Variants in CUL5 observed in about 807,000 individuals in gnomAD.
CUL5 encodes the protein cullin-5.
A neutral mutation model predicts 108.8 loss-of-function variants in CUL5; 26 were observed. That is an observed-to-expected ratio of 0.24 (90% CI 0.18 to 0.33). The LOEUF (loss-of-function observed/expected upper bound fraction) is 0.33, where lower values mean the gene tolerates loss of function less well. CUL5 is among the 10% of genes least tolerant of loss of function. The probability of loss-of-function intolerance (pLI) is 1.00; values close to 1 mark genes in which losing one functional copy is unlikely to be tolerated. For synonymous variants in CUL5, 334 were observed against 298.0 expected, an observed-to-expected ratio of 1.12 and a Z score of -1.25; for missense variants, 524 against 909.2, an observed-to-expected ratio of 0.58 and a Z score of 5.45.
At position 108,037,107 on chromosome 11, in the gene CUL5, T is replaced by G. The variant is rs181480958; in HGVS notation, c.134+3196T>G. On this transcript the variant is annotated intron_variant, in intron 2 of 18. Coordinates refer to ENST00000393094, the MANE Select transcript of CUL5 (RefSeq NM_003478.6). ...GGGAACTTTTGGGCCTCTTCCCACC[T>G]GGAGGCAAGAAAAAAAAAACAAAAA... is the stretch of plus-strand genomic sequence containing the variant. Among the ~76,000 whole-genome samples the G allele has an allele frequency of 5.3e-5, 8 of 151,936 alleles. 1 individual carries two copies. Among genetic ancestry groups the G allele is most frequent in the Admixed American group, 5.3e-4 (8 of 15,232 alleles).
At chr11:108,044,154 T>C (rs1262926254) in intron 2 of CUL5, among the ~76,000 whole-genome samples, 2 of 152,172 alleles carry the variant, frequency 1.3e-5, no homozygotes, top group African/African-American at 4.8e-5. Context: ...TCAAGCTGAA[T>C]TGAACCAGTG....
At chr11:108,048,377 C>G (rs1436764932) in intron 3 of CUL5, among the ~76,000 whole-genome samples, 2 of 152,044 alleles carry the variant, frequency 1.3e-5, no homozygotes, top group African/African-American at 4.8e-5. Flanking sequence ...ATGAATTTGC[C>G]TAAGCTTATT....
At chr11:108,066,561 CT>C (rs1050841425) in intron 7 of CUL5, among the ~76,000 whole-genome samples, 4 of 151,994 alleles carry the variant, frequency 2.6e-5, no homozygotes, top group African/African-American at 9.7e-5. Flanking sequence ...TGCAAGGATT[CT>C]TTTAACTCAC....
chr11:108,041,144 C>T (rs968479618), intron 2 of CUL5, among the ~76,000 whole-genome samples: 1 of 152,218 alleles, frequency 6.6e-6, no homozygotes, highest in African/African-American at 2.4e-5. Flanking sequence ...CTGATTCTTA[C>T]TGCTCAAGCT....
rs1864753950 is a variant in CUL5, at chr11:108,104,899, G to A, written c.*515G>A. 1 of 152,634 alleles carries A rather than the reference G, an allele frequency of 6.6e-6. No individual in the cohort carries two copies. The allele number at this position is 152,634 out of a possible 1,614,324, so 9.5% of individuals were successfully genotyped here. ...AATGCAACATTGGGAAACGGCAGAT[G>A]TAGGTGAGAAGTTAAGTATTTAATA... On this transcript the variant is annotated 3_prime_UTR_variant, in exon 19 of 19. Coordinates refer to ENST00000393094, the MANE Select transcript of CUL5 (RefSeq NM_003478.6).
intron 7 of CUL5, among the ~76,000 whole-genome samples, chr11:108,065,574 A>C (rs1863654828): frequency 6.6e-6 from 1 of 152,088 alleles, no homozygotes; most frequent in South Asian, 2.1e-4. Context: ...TCTGCTGTGA[A>C]AGGGTGGTGG....
chr11:108,047,912 G>A (rs1022548302), intron 3 of CUL5, among the ~76,000 whole-genome samples: 1 of 152,136 alleles, frequency 6.6e-6, no homozygotes, highest in African/African-American at 2.4e-5. Context: ...CTTAACAGAT[G>A]TTAAAAAATA....
At chr11:108,029,857 C>A (rs901716462) in intron 1 of CUL5, among the ~76,000 whole-genome samples, 3 of 152,098 alleles carry the variant, frequency 2.0e-5, no homozygotes, top group African/African-American at 7.2e-5. Flanking sequence ...CAGTACCTGT[C>A]TACTCTGGTA....
intron 11 of CUL5, among the ~76,000 whole-genome samples, chr11:108,087,794 A>G (rs566071617): frequency 1.3e-5 from 2 of 152,084 alleles, no homozygotes; most frequent in Non-Finnish European, 2.9e-5. Flanking sequence ...GCAAAACCCC[A>G]TCTGTGCTAA....
rs1041483325 is a variant in CUL5, at chr11:108,081,747, G to A, written c.1178+3507G>A. 7.9e-5 allele frequency among the ~76,000 whole-genome samples: 12 copies of A among 152,252 alleles called. No homozygotes were observed. The South Asian group carries it at 1.2e-3, about 16-fold the overall frequency. On this transcript the variant is annotated intron_variant, in intron 11 of 18. Coordinates refer to ENST00000393094, the MANE Select transcript of CUL5 (RefSeq NM_003478.6). ...AGCCTGGGTGAGAGTGCGAGTCTCCGTCTCAAGAAAAAAATCAGTTGGCTA... is the reference window on the plus strand; with the variant it reads ...AGCCTGGGTGAGAGTGCGAGTCTCCATCTCAAGAAAAAAATCAGTTGGCTA...
intron 2 of CUL5, among the ~76,000 whole-genome samples, chr11:108,045,624 G>A (rs188834201): frequency 2.7e-3 from 404 of 152,270 alleles, no homozygotes; most frequent in South Asian, 6.8e-3. Context: ...GCACTTTGGA[G>A]ACTGAGGCAG....
intron 1 of CUL5, among the ~76,000 whole-genome samples, chr11:108,029,734 G>A (rs1862531444): frequency 6.6e-6 from 1 of 152,104 alleles, no homozygotes; most frequent in South Asian, 2.1e-4. Context: ...TTGAGTATTA[G>A]GGAAACGTGT....
At chr11:108,072,538 AGC>A in intron 9 of CUL5, 76 bp downstream of exon 9, 1 of 1,207,532 alleles carries the variant, frequency 8.3e-7, no homozygotes, top group Non-Finnish European at 1.1e-6. Context: ...GAAAATAGTG[AGC>A]GGTTACCAGA....
chr11:108,016,088 T>A (rs574331329), intron 1 of CUL5, among the ~76,000 whole-genome samples: 1 of 152,046 alleles, frequency 6.6e-6, no homozygotes, highest in South Asian at 2.1e-4. Flanking sequence ...TAGGTCTGGC[T>A]AATTTTTTAT....
In CUL5 at chr11:108,072,392, A is replaced by G. The variant is rs1565258189; in HGVS notation, c.935A>G (p.Lys312Arg). 2 of 1,612,514 alleles carry G rather than the reference A, an allele frequency of 1.2e-6. No individual in the cohort carries two copies. Among genetic ancestry groups the G allele is most frequent in the African/African-American group, 1.3e-5 (1 of 74,994 alleles). ...KVPNGIEPML[K>R]DLEEHIISAG... ...CCTAATGGTATAGAGCCAATGTTGA[A>G]AGACTTGGAGGAACATATCATTAGT... Residue 312 changes from lysine to arginine, a missense_variant, in exon 9 of 19, where the codon AAA (lysine) becomes AGA (arginine). Physicochemically the swap from Lys to Arg is conservative, Grantham distance 26. Coordinates refer to ENST00000393094, the MANE Select transcript of CUL5 (RefSeq NM_003478.6).
chr11:108,029,000 C>T (rs928088661), intron 1 of CUL5, among the ~76,000 whole-genome samples: 2 of 152,172 alleles, frequency 1.3e-5, no homozygotes, highest in African/African-American at 2.4e-5. Flanking sequence ...CTGCTCTCTC[C>T]ACTTTGTTTA....
Position 108,098,481 on chromosome 11 carries a change from A to G in CUL5, c.2100A>G (p.Arg700=), listed in dbSNP as rs1371221554. The change falls in exon 18 of 19, where the codon AGA becomes AGG. Residue 700 remains arginine (R), a synonymous_variant. Coordinates refer to ENST00000393094, the MANE Select transcript of CUL5 (RefSeq NM_003478.6). The part of the protein sequence containing the change: ...GRLQLTTERM[R]EEENEGIVQL... ...TGCAGCTCACTACAGAAAGGATGAG[A>G]GAAGAAGAGAATGAAGGAATAGTTC... 6.3e-7 allele frequency: 1 copy of G among 1,598,204 alleles called. No homozygotes were observed. The highest frequency in any genetic ancestry group is 8.5e-7 in the Non-Finnish European group (1 of 1,172,442).
At chr11:108,017,945 G>C (rs750978581) in intron 1 of CUL5, among the ~76,000 whole-genome samples, 1 of 151,968 alleles carries the variant, frequency 6.6e-6, no homozygotes, top group Non-Finnish European at 1.5e-5. Flanking sequence ...ACTATTTTTT[G>C]TTGAATGTTC....
chr11:108,056,395 G>A (rs1030177117), intron 7 of CUL5, among the ~76,000 whole-genome samples: 3 of 152,026 alleles, frequency 2.0e-5, no homozygotes, highest in Non-Finnish European at 2.9e-5. Context: ...AGTGGTAGTC[G>A]TGTTTATTTT....
Sources: allele counts gnomAD v4.1 joint callset (sites outside exome capture counted in the v4.1 genomes callset), GRCh38; gene constraint gnomAD v4.1.1; transcripts MANE v1.5; gene names NCBI Gene and HGNC (gene_info 2026-07-23, HGNC 2026-07-21).